The following RAD51B variants were observed in gnomAD, a reference collection of about 807,000 sequenced individuals.
RAD51B encodes DNA repair protein RAD51 homolog 2.
RAD51B carries 38 observed loss-of-function variants against 42.2 expected under a neutral mutation model. The ratio of observed to expected loss-of-function variants is 0.90; its 90% confidence interval spans 0.70 to 1.18. RAD51B has a LOEUF of 1.18. RAD51B is among the 50% of genes most tolerant of loss of function. The pLI is 0.00. For missense variants in RAD51B, 373 were observed against 400.7 expected (o/e 0.93, Z 0.59); for synonymous variants, 154 against 145.2 (o/e 1.06, Z -0.43).
At chr14:68,309,116 G>T (rs2081923017) in intron 8 of RAD51B, among the ~76,000 whole-genome samples, 2 of 152,292 alleles carry the variant, frequency 1.3e-5, no homozygotes, top group Admixed American at 6.5e-5. Context: ...TCTTAGAAAT[G>T]TTAGCAGATT....
intron 10 of RAD51B, among the ~76,000 whole-genome samples, chr14:68,549,572 T>A (rs546290352): frequency 7.9e-4 from 119 of 150,318 alleles, no homozygotes; most frequent in Non-Finnish European, 1.4e-3. Flanking sequence ...CGCGCCACCA[T>A]GCCCGGCTAA....
At chr14:68,031,675 A>C (rs967316503) in intron 7 of RAD51B, among the ~76,000 whole-genome samples, 2 of 152,088 alleles carry the variant, frequency 1.3e-5, no homozygotes, top group African/African-American at 2.4e-5. Context: ...TTAAAAAAAA[A>C]ATTGTTCAAT....
chr14:68,178,074 C>A (rs752940073), intron 7 of RAD51B, among the ~76,000 whole-genome samples: 15 of 152,196 alleles, frequency 9.9e-5, no homozygotes, highest in Non-Finnish European at 1.9e-4. Context: ...GGGTTGTCTT[C>A]TTTTTTCATA....
chr14:68,581,182 C>T (rs1225540443), intron 10 of RAD51B, among the ~76,000 whole-genome samples: 2 of 152,018 alleles, frequency 1.3e-5, no homozygotes, highest in African/African-American at 2.4e-5. Flanking sequence ...TGTGATTTTT[C>T]GACTTTATGA....
chr14:68,415,277 G>A (rs1368424049), intron 9 of RAD51B, among the ~76,000 whole-genome samples: 1 of 152,136 alleles, frequency 6.6e-6, no homozygotes, highest in African/African-American at 2.4e-5. Flanking sequence ...TAGTCAGAAA[G>A]GGGAGGTGCT....
chr14:68,413,079 T>C (rs2084461015), intron 9 of RAD51B, among the ~76,000 whole-genome samples: 2 of 152,230 alleles, frequency 1.3e-5, no homozygotes, highest in South Asian at 4.1e-4. Context: ...ATATATGGTA[T>C]CATGGGTTCA....
At chr14:68,216,998 T>C (rs912489198) in intron 7 of RAD51B, among the ~76,000 whole-genome samples, 2 of 152,240 alleles carry the variant, frequency 1.3e-5, no homozygotes, top group African/African-American at 4.8e-5. Context: ...CTAATTCTTC[T>C]ATTCCGTTTC....
chr14:67,879,448 G>T lies in RAD51B; in HGVS notation c.453-6421G>T, dbSNP rs945996596. Among the ~76,000 whole-genome samples the T allele has an allele frequency of 7.5e-4, 110 of 147,410 alleles. 1 individual carries two copies. Among genetic ancestry groups the T allele is most frequent in the Admixed American group, 2.2e-3 (32 of 14,734 alleles). On this transcript the variant is annotated intron_variant, in intron 5 of 10. Transcript: ENST00000471583. ...GTCATATATTTTTTGTTTGTTTTTT[G>T]TTTTTTTTTTAAGAGACAGGGCCTC...
chr14:68,160,641 T>C (rs1595490512), intron 7 of RAD51B, among the ~76,000 whole-genome samples: 1 of 152,230 alleles, frequency 6.6e-6, no homozygotes, highest in African/African-American at 2.4e-5. Flanking sequence ...ATATCTTGAC[T>C]ACTGAGTTTT....
intron 7 of RAD51B, among the ~76,000 whole-genome samples, chr14:67,956,590 ATCTGT>A (rs1237428734): frequency 6.6e-6 from 1 of 152,230 alleles, no homozygotes; most frequent in Non-Finnish European, 1.5e-5. Flanking sequence ...AAAGTATGTA[ATCTGT>A]TAAGAGACAT....
intron 11 of RAD51B, among the ~76,000 whole-genome samples, chr14:68,668,623 A>G (rs1284429868): frequency 1.3e-5 from 2 of 152,234 alleles, no homozygotes; most frequent in Non-Finnish European, 2.9e-5. Context: ...TTGTCACTAC[A>G]GCAGTAGCCA....
At position 68,477,987 on chromosome 14, in the gene RAD51B, C is replaced by A. The variant is rs1882854588; in HGVS notation, c.*323C>A. ...CAGGCACCTCAAAGCGGTTTAACCA[C>A]ATTAATTAATTAAAGCCCACAATCC... On this transcript the variant is annotated 3_prime_UTR_variant, in exon 11 of 11. Coordinates refer to ENST00000471583, the MANE Select transcript of RAD51B (RefSeq NM_133510.4). 1.8e-6 allele frequency: 2 copies of A among 1,123,960 alleles called. No homozygotes were observed. The highest frequency in any genetic ancestry group is 4.2e-5 in the South Asian group (1 of 23,776). 69.6% of individuals were successfully genotyped at this position (1,123,960 alleles called of 1,614,324 possible).
In RAD51B at chr14:68,296,138, C is replaced by T. The variant is rs8015933; in HGVS notation, c.853+4158C>T. Among the ~76,000 whole-genome samples, 394 of 152,266 alleles carry T rather than the reference C, an allele frequency of 2.6e-3. 2 individuals carry two copies. The highest frequency in any genetic ancestry group is 8.8e-3 in the African/African-American group (367 of 41,560). On this transcript the variant is annotated intron_variant, in intron 8 of 10. Transcript: ENST00000471583. ...CAGTCATTTTTCCCACTCTGTAAAT[C>T]AGAATTAAACCCTATCATTGGGTGA...
chr14:67,970,288 A>T (rs1483207642), intron 7 of RAD51B, among the ~76,000 whole-genome samples: 2 of 152,182 alleles, frequency 1.3e-5, no homozygotes, highest in Non-Finnish European at 2.9e-5. Flanking sequence ...AAGTGAGAGA[A>T]CTACCCAGCA....
At chr14:68,153,910 C>G (rs1398858307) in intron 7 of RAD51B, among the ~76,000 whole-genome samples, 3 of 152,182 alleles carry the variant, frequency 2.0e-5, no homozygotes, top group Admixed American at 1.3e-4. Context: ...GATTTGTTCT[C>G]ATTATTCTCC....
intron 10 of RAD51B, chr14:68,545,619 G>A (rs1888184959): frequency 2.2e-6 from 1 of 455,982 alleles, no homozygotes; most frequent in Non-Finnish European, 4.4e-6. Context: ...TTCCACCAGA[G>A]TAGAGGTAAG....
chr14:68,093,642 A>G (rs957398028), intron 7 of RAD51B, among the ~76,000 whole-genome samples: 1 of 152,020 alleles, frequency 6.6e-6, no homozygotes. Flanking sequence ...TGATCTTTTC[A>G]AAAAACCAGC....
chr14:68,253,303 A>G (rs922344192), intron 7 of RAD51B, among the ~76,000 whole-genome samples: 1 of 151,962 alleles, frequency 6.6e-6, no homozygotes, highest in Non-Finnish European at 1.5e-5. Context: ...ATGTAACATT[A>G]TACTTAAGAT....
chr14:68,416,064 G>A (rs571189361), intron 9 of RAD51B, among the ~76,000 whole-genome samples: 5 of 152,198 alleles, frequency 3.3e-5, no homozygotes, highest in South Asian at 4.1e-4. Flanking sequence ...CTTGAGGGGC[G>A]AGCCTGAAGT....
Sources: gnomAD v4.1 joint callset for allele counts (sites outside exome capture counted in the v4.1 genomes callset) on GRCh38, gnomAD v4.1.1 for gene constraint, MANE v1.5 for transcripts, NCBI Gene and HGNC (gene_info 2026-07-23, HGNC 2026-07-21) for gene names.